Variants in MFAP4 observed in about 807,000 individuals in gnomAD.
MFAP4 encodes microfibril associated protein 4.
Under a neutral mutation model 32.4 loss-of-function variants are expected in MFAP4, and 20 were observed. That is an observed-to-expected ratio of 0.62 (90% CI 0.43 to 0.90). The LOEUF (loss-of-function observed/expected upper bound fraction) is 0.90. MFAP4 is among the 40% of genes least tolerant of loss of function. MFAP4 has a pLI of 0.00. For missense variants in MFAP4, 267 were observed against 329.5 expected, an observed-to-expected ratio of 0.81 and a Z score of 1.47; for synonymous variants, 146 against 137.4, an observed-to-expected ratio of 1.06 and a Z score of -0.44.
In MFAP4 at chr17:19,384,299, T is replaced by A. The variant is rs1202625928; in HGVS notation, c.*163A>T. 2.4e-5 allele frequency: 20 copies of A among 841,404 alleles called. No individual in the cohort carries two copies. Among genetic ancestry groups the A allele is most frequent in the Non-Finnish European group, 3.6e-5 (20 of 555,434 alleles). The allele number at this position is 841,404 out of a possible 1,614,324, so 52.1% of individuals were successfully genotyped here. On this transcript the variant is annotated 3_prime_UTR_variant, in exon 6 of 6. Transcript: ENST00000299610. ...GGGTCTGGCTTAGGAATGGATGCCC[T>A]GGGTGTGTGACAGGGATGTGGCATG...
chr17:19,383,750 CCT>C lies in MFAP4; in HGVS notation c.*710_*711del, dbSNP rs1912913539. 1 of 153,800 alleles carries C rather than the reference CCT, an allele frequency of 6.5e-6. No individual in the cohort carries two copies. Among genetic ancestry groups the C allele is most frequent in the African/African-American group, 2.4e-5 (1 of 41,458 alleles). 9.5% of individuals were successfully genotyped at this position (153,800 alleles called of 1,614,324 possible). A position where few individuals can be genotyped will look rare whatever the true frequency, so the allele number is the denominator to read the frequency against. ...TCCTCTGCTCCCTCATGTGGCTAAA[CCT>C]CTCAACACCCAGAGGGTATGGGGAA... On this transcript the variant is annotated 3_prime_UTR_variant, in exon 6 of 6. Transcript: ENST00000299610.
At chr17:19,384,893 C>T (rs956708498) in intron 5 of MFAP4, among the ~76,000 whole-genome samples, 184 bp from the exon 6 acceptor site, 2 of 152,252 alleles carry the variant, frequency 1.3e-5, no homozygotes, top group African/African-American at 2.4e-5. Context: ...GCTGCTCCAC[C>T]ACAGAGTTGC....
intron 1 of MFAP4, 67 bp downstream of exon 1, chr17:19,387,083 G>T (rs775326565): frequency 6.2e-7 from 1 of 1,609,778 alleles, no homozygotes; most frequent in Non-Finnish European, 8.5e-7. Flanking sequence ...TGCCCTCTGT[G>T]GCCAGGGGCC....
intron 1 of MFAP4, 51 bp from the exon 2 acceptor site, chr17:19,386,889 C>T (rs1372629829): frequency 2.0e-6 from 3 of 1,527,218 alleles, no homozygotes; most frequent in Non-Finnish European, 2.7e-6. Flanking sequence ...CTCCAGAGAT[C>T]CCCTGTTCTC....
rs146506304 is a variant in MFAP4 at position 19,385,166 on chromosome 17, C to T, written c.453G>A (p.Pro151=). ...CATCCTCCTCTGCGCTGACCGCGTT[C>T]GGGGAGATGGAGAAGTCAGCGTACT... ...YAKYADFSIS[P]NAVSAEEDGY... The change falls in exon 5 of 6, where the codon CCG becomes CCA. Residue 151 remains proline (P), a synonymous_variant. Transcript: ENST00000299610. 12 of 1,614,276 alleles carry T rather than the reference C, an allele frequency of 7.4e-6. No homozygotes were observed. Among genetic ancestry groups the T allele is most frequent in the South Asian group, 2.2e-5 (2 of 91,090 alleles).
In MFAP4 at chr17:19,386,838, C is replaced by T. The variant is rs1451662039; in HGVS notation, c.7G>A (p.Ala3Thr). The T allele has an allele frequency of 8.3e-6, 13 of 1,559,328 alleles. No homozygotes were observed. The African/African-American group carries it at 9.5e-5, about 11-fold the overall frequency. Residue 3 changes from alanine (A) to threonine (T), a missense_variant and splice_region_variant, in exon 2 of 6, where the codon GCA (alanine) becomes ACA (threonine). By Grantham distance (58) the Ala-to-Thr change is moderately conservative. Coordinates refer to ENST00000299610, the MANE Select transcript of MFAP4 (RefSeq NM_002404.3). MKALLALPLLLLL... is the reference protein window; with the variant it reads MKTLLALPLLLLL... ...AGCAGCAGCGGCAGGGCCAGGAGTG[C>T]CTGGCGATGGGCAGACAGGGTCAGC...
In MFAP4 at chr17:19,383,992, A is replaced by G. The variant is rs573571521; in HGVS notation, c.*470T>C. 62 of 176,790 alleles carry G rather than the reference A, an allele frequency of 3.5e-4. No homozygotes were observed. The highest frequency in any genetic ancestry group is 1.2e-3 in the Admixed American group (23 of 18,476). The allele number at this position is 176,790 out of a possible 1,614,324, so 11.0% of individuals were successfully genotyped here. On this transcript the variant is annotated 3_prime_UTR_variant, in exon 6 of 6. Coordinates refer to ENST00000299610, the MANE Select transcript of MFAP4 (RefSeq NM_002404.3). Reference sequence around the variant, plus strand: ...ACATGGTTTGAGAGCAGCCCAGAGGAGTGCTGGGCTGTGGCCTAGAATACA... The same window carrying G: ...ACATGGTTTGAGAGCAGCCCAGAGGGGTGCTGGGCTGTGGCCTAGAATACA...
chr17:19,385,204 T>C lies in MFAP4; in HGVS notation c.415A>G (p.Thr139Ala). ...AAGTCAGCGTACTTGGCATAGGCCG[T>C]GTTGTTCTCAAAGTCCTCCAAGTCC... ...RVDLEDFENN[T>A]AYAKYADFSI... Residue 139 changes from threonine (T) to alanine (A), a missense_variant, in exon 5 of 6, where the codon ACG (threonine) becomes GCG (alanine). Around this residue, in one of 3 missense-constraint regions of MFAP4, gnomAD observed 223 missense variants for 253.3 expected, o/e 0.88. Transcript: ENST00000299610. 1 of 1,614,276 alleles carries C rather than the reference T, an allele frequency of 6.2e-7. No homozygotes were observed. Among genetic ancestry groups the C allele is most frequent in the Non-Finnish European group, 8.5e-7 (1 of 1,180,046 alleles).
At position 19,386,406 on chromosome 17, in the gene MFAP4, G is replaced by T; in HGVS notation, c.144C>A (p.Gly48=). 1 of 1,613,892 alleles carries T rather than the reference G, an allele frequency of 6.2e-7. No homozygotes were observed. Among genetic ancestry groups the T allele is most frequent in the South Asian group, 1.1e-5 (1 of 91,038 alleles). ...PLDCDDIYAQ[G]YQSDGVYLIY... ...TGAGGTACACGCCGTCTGACTGGTA[G>T]CCCTGGGCATAGATGTCGTCACAGT... is the stretch of plus-strand genomic sequence containing the variant. The change falls in exon 3 of 6, where the codon GGC becomes GGA. Residue 48 remains glycine, a synonymous_variant. Coordinates refer to ENST00000299610, the MANE Select transcript of MFAP4 (RefSeq NM_002404.3).
rs1912999743 is a variant in MFAP4 at position 19,385,464 on chromosome 17, A to T, written c.241-10T>A. On this transcript the variant is annotated splice_polypyrimidine_tract_variant and intron_variant, in intron 3 of 5. Transcript: ENST00000299610. ...ATCTCTTCTGGAAAACCTGGAGCAG[A>T]GAAGATGAGACTGGATCATCAAGGG... 1.2e-6 allele frequency: 2 copies of T among 1,613,808 alleles called. No individual in the cohort carries two copies. Among genetic ancestry groups the T allele is most frequent in the Non-Finnish European group, 1.7e-6 (2 of 1,179,680 alleles).
In MFAP4 at chr17:19,385,405, T is replaced by A; in HGVS notation, c.290A>T (p.Asn97Ile). 1 of 1,614,254 alleles carries A rather than the reference T, an allele frequency of 6.2e-7. No homozygotes were observed. Among genetic ancestry groups the A allele is most frequent in the Non-Finnish European group, 8.5e-7 (1 of 1,180,038 alleles). Residue 97 changes from asparagine (N) to isoleucine (I), a missense_variant, in exon 4 of 6, where the codon AAT becomes ATT. By Grantham distance (149) the Asn-to-Ile change is moderately radical. Coordinates refer to ENST00000299610, the MANE Select transcript of MFAP4 (RefSeq NM_002404.3). ...ACGGCCGAAGCCCAGCTTGTAGTCA[T>A]TCCAGCCGCGGAAGAAACTTACTGA... ...NGSVSFFRGW[N>I]DYKLGFGRAD...
At chr17:19,385,971 T>C (rs1465226194) in intron 3 of MFAP4, among the ~76,000 whole-genome samples, 1 of 152,090 alleles carries the variant, frequency 6.6e-6, no homozygotes, top group African/African-American at 2.4e-5. Context: ...ATAAAAAAAT[T>C]AGCTGGGCAT....
intron 1 of MFAP4, 109 bp from the exon 2 acceptor site, chr17:19,386,947 C>A: frequency 7.0e-7 from 1 of 1,421,290 alleles, no homozygotes; most frequent in South Asian, 1.3e-5. Context: ...TTGCCTGAAT[C>A]CCTCTCCTGC....
chr17:19,386,869 C>T (rs781341592), intron 1 of MFAP4, 31 bp from the exon 2 acceptor site: 6 of 1,545,834 alleles, frequency 3.9e-6, no homozygotes, highest in Non-Finnish European at 4.4e-6. Flanking sequence ...TCAGCACAGC[C>T]CCTTCCCAGC....
chr17:19,386,537 T>A (rs1487310676), intron 2 of MFAP4, 73 bp from the exon 3 acceptor site: 3 of 1,530,064 alleles, frequency 2.0e-6, no homozygotes, highest in Non-Finnish European at 2.7e-6. Context: ...ACCCCAAGGT[T>A]TGCCTCAGTC....
chr17:19,384,632 C>T lies in MFAP4; in HGVS notation c.598G>A (p.Ala200Thr). Residue 200 changes from alanine (A) to threonine (T), a missense_variant, in exon 6 of 6, where the codon GCA becomes ACA. Physicochemically the swap from Ala to Thr is moderately conservative, Grantham distance 58. Coordinates refer to ENST00000299610, the MANE Select transcript of MFAP4 (RefSeq NM_002404.3). Reference protein sequence around the residue: ...RDQDLFVQNCAALSSGAFWFR... With the variant: ...RDQDLFVQNCTALSSGAFWFR... ...CAGAAGGCTCCTGAGGAGAGAGCTG[C>T]GCAGTTCTGCACAAAGAGGTCCTGG... The T allele has an allele frequency of 6.2e-7, 1 of 1,614,138 alleles. No individual in the cohort carries two copies. Among genetic ancestry groups the T allele is most frequent in the Non-Finnish European group, 8.5e-7 (1 of 1,180,018 alleles).
Position 19,385,147 on chromosome 17 carries a change from C to T in MFAP4, c.472G>A (p.Glu158Lys). ...SISPNAVSAE[E>K]DGYTLFVAGF... ...GCCACAAAGAGGGTGTAGCCATCCT[C>T]CTCTGCGCTGACCGCGTTCGGGGAG... The change falls in exon 5 of 6, where the codon GAG (glutamate) becomes AAG (lysine). Residue 158 changes from glutamate to lysine, a missense_variant. Coordinates refer to ENST00000299610, the MANE Select transcript of MFAP4 (RefSeq NM_002404.3). 6.2e-7 allele frequency: 1 copy of T among 1,614,276 alleles called. No homozygotes were observed. The highest frequency in any genetic ancestry group is 8.5e-7 in the Non-Finnish European group (1 of 1,180,044).
In MFAP4 at chr17:19,386,381, TGAG is replaced by T; in HGVS notation, c.166_168del (p.Leu56del). 6.2e-7 allele frequency: 1 copy of T among 1,610,064 alleles called. No individual in the cohort carries two copies. The highest frequency in any genetic ancestry group is 8.5e-7 in the Non-Finnish European group (1 of 1,176,910). ...GGCACACTGGGGCCCGAGGGGTAGA[TGAG>T]GTACACGCCGTCTGACTGGTAGCCC... On this transcript the variant is annotated inframe_deletion, in exon 3 of 6. Coordinates refer to ENST00000299610, the MANE Select transcript of MFAP4 (RefSeq NM_002404.3).
chr17:19,384,973 G>C (rs1223842730), intron 5 of MFAP4, 126 bp downstream of exon 5: 2 of 1,296,292 alleles, frequency 1.5e-6, no homozygotes, highest in Non-Finnish European at 2.1e-6. Flanking sequence ...TTTGGAGCCA[G>C]CTGTGGCCCT....
Sources: allele counts gnomAD v4.1 joint callset (sites outside exome capture counted in the v4.1 genomes callset), GRCh38; gene constraint gnomAD v4.1.1; regional missense constraint gnomAD v4.1.1; transcripts MANE v1.5; gene names NCBI Gene and HGNC (gene_info 2026-07-23, HGNC 2026-07-21).